Variants in LRRC7 observed in about 807,000 individuals in gnomAD.
LRRC7 encodes leucine-rich repeat-containing protein 7.
A neutral mutation model predicts 175.7 loss-of-function variants in LRRC7; 23 were observed. That is an observed-to-expected ratio of 0.13 (90% confidence interval 0.09 to 0.19). The LOEUF (loss-of-function observed/expected upper bound fraction) is 0.19. Among genes scored for constraint, LRRC7 ranks in the 10% least tolerant of loss-of-function variants. The pLI is 1.00. For synonymous variants in LRRC7, 685 were observed against 680.9 expected (o/e 1.01, Z -0.09); for missense variants, 1,354 against 1,904.7 (o/e 0.71, Z 5.38).
chr1:69,687,520 CAAAAA>C (rs551726376), intron 2 of LRRC7, among the ~76,000 whole-genome samples: 2 of 96,894 alleles, frequency 2.1e-5, no homozygotes, highest in Admixed American at 1.3e-4. Flanking sequence ...AAGAAAAAAC[CAAAAA>C]AAAAAAAAAA....
At chr1:69,856,227 T>A (rs185152243) in intron 7 of LRRC7, among the ~76,000 whole-genome samples, 1 of 152,194 alleles carries the variant, frequency 6.6e-6, no homozygotes, top group East Asian at 1.9e-4. Flanking sequence ...GCAAACACAT[T>A]CAAAAGCTAG....
intron 1 of LRRC7, among the ~76,000 whole-genome samples, chr1:69,585,586 C>T (rs1646371977): frequency 6.6e-6 from 1 of 152,116 alleles, no homozygotes; most frequent in African/African-American, 2.4e-5. Context: ...CAAATTGTGT[C>T]ATTATGAAAA....
At chr1:69,815,000 G>A (rs781123092) in intron 4 of LRRC7, among the ~76,000 whole-genome samples, 9 of 152,032 alleles carry the variant, frequency 5.9e-5, no homozygotes, top group South Asian at 2.1e-4. Context: ...CCTAAGCTGC[G>A]TAAATTTCCT....
chr1:70,062,977 CT>C (rs1232637943), intron 23 of LRRC7, among the ~76,000 whole-genome samples: 2 of 152,026 alleles, frequency 1.3e-5, no homozygotes, highest in African/African-American at 4.8e-5. Context: ...TTTACAGTCA[CT>C]TTTGTATTGG....
chr1:69,659,420 C>T (rs967628547), intron 1 of LRRC7, among the ~76,000 whole-genome samples: 1 of 147,708 alleles, frequency 6.8e-6, no homozygotes, highest in African/African-American at 2.5e-5. Context: ...ATCTCTAATC[C>T]AAAAAATAAA....
intron 1 of LRRC7, among the ~76,000 whole-genome samples, chr1:69,661,312 T>C (rs1465704932): frequency 6.6e-6 from 1 of 152,156 alleles, no homozygotes; most frequent in Non-Finnish European, 1.5e-5. Flanking sequence ...ATGAGTCATC[T>C]TGATTCTTCT....
At chr1:69,914,053 A>C (rs916400382) in intron 7 of LRRC7, among the ~76,000 whole-genome samples, 22 of 152,192 alleles carry the variant, frequency 1.4e-4, no homozygotes, top group African/African-American at 5.3e-4. Context: ...TTTAAGTGTC[A>C]TTAAGAGAGA....
chr1:69,956,302 T>C (rs761657950), intron 8 of LRRC7, among the ~76,000 whole-genome samples: 5 of 151,900 alleles, frequency 3.3e-5, no homozygotes, highest in Admixed American at 6.6e-5. Context: ...GAGATAATAT[T>C]ATAGTAATAT....
chr1:69,981,614 C>T (rs1653439402), intron 9 of LRRC7, among the ~76,000 whole-genome samples: 1 of 152,048 alleles, frequency 6.6e-6, no homozygotes, highest in Admixed American at 6.6e-5. Context: ...TTGAGAAGCT[C>T]GCACATAGCA....
At chr1:69,665,806 G>T (rs1269875189) in intron 1 of LRRC7, among the ~76,000 whole-genome samples, 1 of 151,758 alleles carries the variant, frequency 6.6e-6, no homozygotes, top group East Asian at 1.9e-4. Context: ...TAATTTGTAT[G>T]CCCTTTATTT....
intron 7 of LRRC7, among the ~76,000 whole-genome samples, chr1:69,891,576 A>G (rs905370736): frequency 1.3e-5 from 2 of 152,140 alleles, no homozygotes; most frequent in African/African-American, 4.8e-5. Context: ...TACTAAAAAT[A>G]CAAAACTTAG....
intron 1 of LRRC7, among the ~76,000 whole-genome samples, chr1:69,644,470 CACTA>C (rs1294327788): frequency 6.6e-6 from 1 of 152,002 alleles, no homozygotes; most frequent in East Asian, 1.9e-4. Flanking sequence ...GCTGTAGCCT[CACTA>C]ACTTTCATAT....
intron 3 of LRRC7, among the ~76,000 whole-genome samples, chr1:69,782,931 G>A (rs1487347906): frequency 6.6e-6 from 1 of 152,096 alleles, no homozygotes; most frequent in African/African-American, 2.4e-5. Flanking sequence ...ACATTTTTCT[G>A]GAGATAGCAA....
chr1:69,654,164 G>T (rs1048050470), intron 1 of LRRC7, among the ~76,000 whole-genome samples: 7 of 151,134 alleles, frequency 4.6e-5, no homozygotes, highest in Non-Finnish European at 5.9e-5. Flanking sequence ...ACTAGAATAG[G>T]CATGATACTA....
At chr1:70,006,773 T>A (rs1461631017) in intron 11 of LRRC7, among the ~76,000 whole-genome samples, 1 of 152,098 alleles carries the variant, frequency 6.6e-6, no homozygotes, top group Non-Finnish European at 1.5e-5. Context: ...ACCTATAAAT[T>A]GGGGCTCCCT....
intron 1 of LRRC7, among the ~76,000 whole-genome samples, chr1:69,592,635 T>A (rs946997951): frequency 6.6e-6 from 1 of 152,026 alleles, no homozygotes; most frequent in African/African-American, 2.4e-5. Flanking sequence ...TTAGGGGAAA[T>A]TGTGGAAATT....
chr1:69,623,748 C>A (rs897892281), intron 1 of LRRC7, among the ~76,000 whole-genome samples: 1 of 152,060 alleles, frequency 6.6e-6, no homozygotes, highest in Non-Finnish European at 1.5e-5. Flanking sequence ...TAGGGCCACT[C>A]CAAGTTGGTC....
At chr1:69,773,830 G>T (rs377073511) in intron 3 of LRRC7, among the ~76,000 whole-genome samples, 2 of 152,134 alleles carry the variant, frequency 1.3e-5, no homozygotes, top group Non-Finnish European at 2.9e-5. Context: ...AAAGCACAAC[G>T]AGGTTAAAGA....
At chr1:69,881,800 A>C (rs1686633698) in intron 7 of LRRC7, among the ~76,000 whole-genome samples, 1 of 151,626 alleles carries the variant, frequency 6.6e-6, no homozygotes. Flanking sequence ...GGATCACTGA[A>C]ACCGAGGAGA....
Sources: gnomAD v4.1 joint callset for allele counts (sites outside exome capture counted in the v4.1 genomes callset) on GRCh38, gnomAD v4.1.1 for gene constraint, MANE v1.5 for transcripts, NCBI Gene and HGNC (gene_info 2026-07-23, HGNC 2026-07-21) for gene names.